FBXO31: variants seen among roughly 807,000 people sequenced by gnomAD.
FBXO31 encodes F-box protein 31, also known as F-box only protein 31.
Under a neutral mutation model 54.4 loss-of-function variants are expected in FBXO31, and 24 were observed. The observed-to-expected ratio is 0.44, with a 90% CI of 0.32 to 0.62. The LOEUF (loss-of-function observed/expected upper bound fraction) is 0.62. Among genes scored for constraint, FBXO31 ranks in the 20% least tolerant of loss-of-function variants. The pLI, the probability that FBXO31 is intolerant of heterozygous loss-of-function variation, is 0.05. For synonymous variants in FBXO31, 388 were observed against 335.6 expected, an observed-to-expected ratio of 1.16 and a Z score of -1.71; for missense variants, 665 against 787.1, an observed-to-expected ratio of 0.84 and a Z score of 1.86.
chr16:87,337,459 A>G (rs1905071293), intron 5 of FBXO31, among the ~76,000 whole-genome samples: 4 of 152,240 alleles, frequency 2.6e-5, no homozygotes, highest in Non-Finnish European at 5.9e-5. Context: ...ACGGAAAAGC[A>G]AAGAACTGGG....
intron 4 of FBXO31, among the ~76,000 whole-genome samples, chr16:87,343,277 C>G (rs1041180710): frequency 1.3e-5 from 2 of 152,240 alleles, no homozygotes; most frequent in African/African-American, 4.8e-5. Flanking sequence ...ACTGCCAGAC[C>G]AGATCAGAGA....
rs1453036424 is a variant in FBXO31, at chr16:87,335,020, A to C, written c.996+284T>G. On this transcript the variant is annotated intron_variant, in intron 7 of 8. Transcript: ENST00000311635. The surrounding 1 kb of genome is among the most constrained non-coding windows in gnomAD (Gnocchi z 5.7). ...TGGGGTCTGCTGTCCAGACTTCCTA[A>C]ACCCCACAGGGCTGCCAGGGTGGCC... Among the ~76,000 whole-genome samples the C allele has an allele frequency of 6.6e-6, 1 of 152,142 alleles. No individual in the cohort carries two copies. The highest frequency in any genetic ancestry group is 1.5e-5 in the Non-Finnish European group (1 of 68,000).
intron 2 of FBXO31, among the ~76,000 whole-genome samples, chr16:87,356,808 G>A (rs1002272173): frequency 8.5e-5 from 13 of 152,296 alleles, no homozygotes; most frequent in Middle Eastern, 3.4e-3. Context: ...ATGGGCCATC[G>A]GGGTGGACTG....
upstream of FBXO31, among the ~76,000 whole-genome samples, chr16:87,387,736 G>A (rs1907373487): frequency 6.6e-6 from 1 of 152,236 alleles, no homozygotes; most frequent in East Asian, 1.9e-4. Context: ...GAACCCGGGA[G>A]GCGGAGCTTG....
At chr16:87,389,116 T>C (rs894224096) in intron 1 of FBXO31, among the ~76,000 whole-genome samples, 5 of 151,790 alleles carry the variant, frequency 3.3e-5, no homozygotes, top group Non-Finnish European at 7.4e-5. Context: ...TTGTTTCTTA[T>C]ATTTATTTGT....
chr16:87,352,587 G>T (rs929863284), intron 2 of FBXO31, among the ~76,000 whole-genome samples: 1 of 152,198 alleles, frequency 6.6e-6, no homozygotes, highest in East Asian at 1.9e-4. Context: ...AGACACGACA[G>T]GTGTGGGAAG....
chr16:87,333,568 T>TGCAACAAGATA, intron 8 of FBXO31, among the ~76,000 whole-genome samples: 1 of 152,208 alleles, frequency 6.6e-6, no homozygotes, highest in Middle Eastern at 3.2e-3. Flanking sequence ...AACAAGTAGC[T>TGCAACAAGATA]TTAGAAGCCC....
chr16:87,379,588 T>C (rs1906983367), intron 1 of FBXO31, among the ~76,000 whole-genome samples: 2 of 152,186 alleles, frequency 1.3e-5, no homozygotes, highest in African/African-American at 4.8e-5. Context: ...GGCTGCTCTC[T>C]GGCCACTAAA....
Position 87,346,311 on chromosome 16 carries a change from G to A in FBXO31, c.489+863C>T, listed in dbSNP as rs887439077. On this transcript the variant is annotated intron_variant, in intron 3 of 8. Transcript: ENST00000311635. The surrounding 1 kb of genome is among the most constrained non-coding windows in gnomAD (Gnocchi z 4.2). ...CACGGCACCCAGCAAGTGCCCAGGCGCACAGTGAGGGGTGGGGGGCATCCA... is the reference window on the plus strand; with the variant it reads ...CACGGCACCCAGCAAGTGCCCAGGCACACAGTGAGGGGTGGGGGGCATCCA... Among the ~76,000 whole-genome samples, 3 of 151,790 alleles carry A rather than the reference G, an allele frequency of 2.0e-5. No individual in the cohort carries two copies. The highest frequency in any genetic ancestry group is 7.3e-5 in the African/African-American group (3 of 41,330).
intron 2 of FBXO31, among the ~76,000 whole-genome samples, chr16:87,359,336 A>C (rs1012948434): frequency 2.0e-5 from 3 of 151,788 alleles, no homozygotes; most frequent in Non-Finnish European, 1.5e-5. Context: ...GGCCTCTCCC[A>C]CAGGACAGGA....
intron 7 of FBXO31, among the ~76,000 whole-genome samples, chr16:87,334,729 G>C (rs1904989057): frequency 6.6e-6 from 1 of 152,240 alleles, no homozygotes; most frequent in African/African-American, 2.4e-5. Flanking sequence ...TCGGGGAATA[G>C]GCTTCGCCCC....
In FBXO31 at chr16:87,383,446, A is replaced by G; in HGVS notation, c.299T>C (p.Ile100Thr). 6.3e-7 allele frequency: 1 copy of G among 1,581,838 alleles called. No homozygotes were observed. Among genetic ancestry groups the G allele is most frequent in the Non-Finnish European group, 8.6e-7 (1 of 1,167,584 alleles). Reference sequence around the variant, plus strand: ...CCTCCAGATGGTGTCGGTGTGGAGGATGCGCCGGAACTTCGTGCAGACCTG... The same window carrying G: ...CCTCCAGATGGTGTCGGTGTGGAGGGTGCGCCGGAACTTCGTGCAGACCTG... Reference protein sequence around the residue: ...LAQVCTKFRRILHTDTIWRRR... With the variant: ...LAQVCTKFRRTLHTDTIWRRR... Residue 100 changes from isoleucine to threonine, a missense_variant, in exon 1 of 9, where the codon ATC becomes ACC. This residue lies in a region of FBXO31 where 195 missense variants were observed against 174.8 expected (regional missense o/e 1.12). Transcript: ENST00000311635. This position sits in a 1 kb window ranked among gnomAD's most constrained non-coding sequence, Gnocchi z 4.9.
At chr16:87,380,201 G>C (rs996859068) in intron 1 of FBXO31, among the ~76,000 whole-genome samples, 1 of 148,344 alleles carries the variant, frequency 6.7e-6, no homozygotes, top group Non-Finnish European at 1.5e-5. Flanking sequence ...AAGAGGCTGA[G>C]GCAGGAGAAT....
chr16:87,337,695 C>A (rs192867408), intron 5 of FBXO31, among the ~76,000 whole-genome samples: 1 of 137,338 alleles, frequency 7.3e-6, no homozygotes, highest in Non-Finnish European at 1.7e-5. Context: ...CAAGGTGCTC[C>A]GTCAGTTGGG....
intron 1 of FBXO31, among the ~76,000 whole-genome samples, chr16:87,364,880 G>A (rs994494771): frequency 1.3e-5 from 2 of 150,318 alleles, no homozygotes; most frequent in Non-Finnish European, 3.0e-5. Context: ...TAATTAGCCA[G>A]GCATGGTGGC....
At chr16:87,390,230 G>C (rs1196339150), upstream of FBXO31, among the ~76,000 whole-genome samples, 1 of 152,082 alleles carries the variant, frequency 6.6e-6, no homozygotes, top group East Asian at 1.9e-4. Flanking sequence ...GCAGTGAGCT[G>C]AGATCACGCC....
At position 87,335,342 on chromosome 16, in the gene FBXO31, T is replaced by G. The variant is rs1249450116; in HGVS notation, c.958A>C (p.Ser320Arg). 1 of 1,614,038 alleles carries G rather than the reference T, an allele frequency of 6.2e-7. No homozygotes were observed. Among genetic ancestry groups the G allele is most frequent in the South Asian group, 1.1e-5 (1 of 91,090 alleles). ...CCCCTGGCACGCCGGCCGTGGAAGC[T>G]GAGCATCACAATCTCCAGGCCGTGG... ...GSHGLEIVML[S>R]FHGRRARGTK... Residue 320 changes from serine (S) to arginine (R), a missense_variant, in exon 7 of 9, where the codon AGC becomes CGC. By Grantham distance (110) the Ser-to-Arg change is moderately radical. Around this residue, in one of 4 missense-constraint regions of FBXO31, gnomAD observed 234 missense variants for 346.8 expected, o/e 0.67. Transcript: ENST00000311635. This position sits in a 1 kb window ranked among gnomAD's most constrained non-coding sequence, Gnocchi z 5.7.
At chr16:87,387,662 C>T (rs1907370285), upstream of FBXO31, among the ~76,000 whole-genome samples, 1 of 152,198 alleles carries the variant, frequency 6.6e-6, no homozygotes, top group South Asian at 2.1e-4. Flanking sequence ...AAAAAATTAG[C>T]TGGGCGTGTT....
rs1905150422 is a variant in FBXO31 at position 87,340,233 on chromosome 16, G to A, written c.732+2644C>T. Among the ~76,000 whole-genome samples, 3 of 152,354 alleles carry A rather than the reference G, an allele frequency of 2.0e-5. No individual in the cohort carries two copies. The South Asian group carries it at 6.2e-4, about 32-fold the overall frequency. On this transcript the variant is annotated intron_variant, in intron 5 of 8. Coordinates refer to ENST00000311635, the MANE Select transcript of FBXO31 (RefSeq NM_024735.5). ...ACCCAGGAGGCGGAGGTTGCAGTGA[G>A]CCAAGATCATACCACTGTACTCCAG...
Sources: allele counts gnomAD v4.1 joint callset (sites outside exome capture counted in the v4.1 genomes callset), GRCh38; gene constraint gnomAD v4.1.1; regional missense constraint gnomAD v4.1.1; non-coding constraint Gnocchi (gnomAD v3.1); transcripts MANE v1.5; gene names NCBI Gene and HGNC (gene_info 2026-07-23, HGNC 2026-07-21).